TRIM24: variants seen among roughly 807,000 people sequenced by gnomAD.
TRIM24 encodes the protein tripartite motif containing 24.
In TRIM24, 29 loss-of-function variants were observed where a neutral mutation model predicts 123.9. The ratio of observed to expected loss-of-function variants is 0.23; its 90% CI spans 0.17 to 0.32. The LOEUF is 0.32. Among genes scored for constraint, TRIM24 ranks in the 10% least tolerant of loss-of-function variants. The pLI, the probability that TRIM24 is intolerant of heterozygous loss-of-function variation, is 1.00. For synonymous variants in TRIM24, 456 were observed against 461.1 expected (o/e 0.99, Z 0.14); for missense variants, 932 against 1,295.3 (o/e 0.72, Z 4.31).
intron 10 of TRIM24, among the ~76,000 whole-genome samples, chr7:138,569,414 A>G (rs1290326528): frequency 1.3e-5 from 2 of 152,252 alleles, no homozygotes; most frequent in Non-Finnish European, 2.9e-5. Flanking sequence ...ATACTCATAC[A>G]GTGGAATACT....
rs75854872 is a variant in TRIM24, at chr7:138,558,599, C to T, written c.1530+3633C>T. ...TGCTGGCCAAGGGAGAGGATTCAGG[C>T]AACTCCTGGTGGATGTGCTCATAGA... On this transcript the variant is annotated intron_variant, in intron 9 of 18. Coordinates refer to ENST00000343526, the MANE Select transcript of TRIM24 (RefSeq NM_015905.3). Among the ~76,000 whole-genome samples the T allele has an allele frequency of 5.4e-4, 82 of 152,322 alleles. No homozygotes were observed. In the East Asian group the frequency reaches 0.015, roughly 28 times the overall value.
chr7:138,484,394 C>T (rs1179535676), intron 1 of TRIM24, among the ~76,000 whole-genome samples: 1 of 150,764 alleles, frequency 6.6e-6, no homozygotes, highest in African/African-American at 2.4e-5. Context: ...TAGGCATGAG[C>T]CACCACGCCT....
In TRIM24 at chr7:138,587,327, T is replaced by TA. The variant is rs1798037789; in HGVS notation, c.*2376_*2377insA. Reference sequence around the variant, plus strand: ...AAGATCTCACCATTGCACTCCAGCCTGAGTGACAGAGACTCAGTCTCAAAA... The same window carrying TA: ...AAGATCTCACCATTGCACTCCAGCCTAGAGTGACAGAGACTCAGTCTCAAAA... On this transcript the variant is annotated 3_prime_UTR_variant, in exon 19 of 19. Transcript: ENST00000343526. The TA allele has an allele frequency of 6.6e-6, 1 of 152,272 alleles. No homozygotes were observed. 9.4% of individuals were successfully genotyped at this position (152,272 alleles called of 1,614,324 possible). A position where few individuals can be genotyped will look rare whatever the true frequency, so the allele number is the denominator to read the frequency against.
At chr7:138,578,484 A>G (rs1483413158) in intron 14 of TRIM24, among the ~76,000 whole-genome samples, 1 of 152,078 alleles carries the variant, frequency 6.6e-6, no homozygotes, top group Non-Finnish European at 1.5e-5. Context: ...ATCAATGCTT[A>G]ATCAAAACTA....
chr7:138,472,332 A>G lies in TRIM24; in HGVS notation c.364+11420A>G, dbSNP rs528591720. Among the ~76,000 whole-genome samples the G allele has an allele frequency of 7.0e-4, 106 of 152,210 alleles. 1 individual carries two copies. The East Asian group carries it at 0.019, about 27-fold the overall frequency. On this transcript the variant is annotated intron_variant, in intron 1 of 18. Coordinates refer to ENST00000343526, the MANE Select transcript of TRIM24 (RefSeq NM_015905.3). Reference sequence around the variant, plus strand: ...TTGGTGAGGCTTCTGAGAAAGCAGAAAGGCATTGATCTGAGGCATGGGTAG... The same window carrying G: ...TTGGTGAGGCTTCTGAGAAAGCAGAGAGGCATTGATCTGAGGCATGGGTAG...
chr7:138,515,930 A>G (rs1482738843), intron 3 of TRIM24, among the ~76,000 whole-genome samples: 1 of 152,214 alleles, frequency 6.6e-6, no homozygotes, highest in African/African-American at 2.4e-5. Context: ...ACATTTACAC[A>G]TTGTGCAACC....
At chr7:138,558,354 C>T (rs1468583960) in intron 9 of TRIM24, among the ~76,000 whole-genome samples, 4 of 152,196 alleles carry the variant, frequency 2.6e-5, no homozygotes, top group Non-Finnish European at 4.4e-5. Context: ...CCCCAGCGAA[C>T]AATGCAGAAT....
intron 1 of TRIM24, among the ~76,000 whole-genome samples, chr7:138,462,204 C>A (rs918647695): frequency 6.6e-6 from 1 of 152,172 alleles, no homozygotes; most frequent in Non-Finnish European, 1.5e-5. Context: ...TGCTTACTGC[C>A]CATCTTAAAA....
chr7:138,530,572 T>A (rs1274007265), intron 6 of TRIM24, among the ~76,000 whole-genome samples: 2 of 151,910 alleles, frequency 1.3e-5, no homozygotes, highest in East Asian at 3.9e-4. Flanking sequence ...TCTCAGGTGA[T>A]CTTCTCATTG....
At chr7:138,536,822 G>A (rs10237544) in intron 6 of TRIM24, among the ~76,000 whole-genome samples, 3,312 of 152,308 alleles carry the variant, frequency 0.022, 101 homozygotes, top group African/African-American at 0.073. Flanking sequence ...GGTGGCGTCT[G>A]CAGAGGCACG....
At chr7:138,533,513 A>C (rs1796794549) in intron 6 of TRIM24, among the ~76,000 whole-genome samples, 1 of 152,218 alleles carries the variant, frequency 6.6e-6, no homozygotes, top group Non-Finnish European at 1.5e-5. Context: ...ATGCTGGATT[A>C]CATTTATTGA....
chr7:138,528,297 A>T (rs1796654398), intron 5 of TRIM24, among the ~76,000 whole-genome samples: 1 of 152,222 alleles, frequency 6.6e-6, no homozygotes, highest in East Asian at 1.9e-4. Context: ...CTCATACCAT[A>T]GGAGAAAGAA....
At chr7:138,464,012 T>TTTTTTTTTTTTTTTTTTTTTGG (rs1795076246) in intron 1 of TRIM24, among the ~76,000 whole-genome samples, 1 of 137,162 alleles carries the variant, frequency 7.3e-6, no homozygotes, top group Non-Finnish European at 1.6e-5. Flanking sequence ...TTTTTTTTTT[T>TTTTTTTTTTTTTTTTTTTTTGG]GAGACGGAGT....
At chr7:138,559,755 T>A (rs1284497537) in intron 9 of TRIM24, among the ~76,000 whole-genome samples, 1 of 152,166 alleles carries the variant, frequency 6.6e-6, no homozygotes, top group African/African-American at 2.4e-5. Context: ...CTGTGGTGGA[T>A]CCAAGGCACA....
intron 1 of TRIM24, among the ~76,000 whole-genome samples, chr7:138,486,251 G>A (rs1402662622): frequency 2.0e-5 from 3 of 152,036 alleles, no homozygotes; most frequent in Non-Finnish European, 4.4e-5. Context: ...TTGTCAGATA[G>A]GTAAATTGCA....
At chr7:138,565,108 G>GC (rs989131742) in intron 9 of TRIM24, among the ~76,000 whole-genome samples, 3 of 152,106 alleles carry the variant, frequency 2.0e-5, no homozygotes, top group Admixed American at 6.6e-5. Context: ...TCTACGCTAA[G>GC]AGAACTGCGG....
At chr7:138,497,885 G>A (rs541056538) in intron 1 of TRIM24, among the ~76,000 whole-genome samples, 122 of 152,092 alleles carry the variant, frequency 8.0e-4, no homozygotes, top group African/African-American at 2.9e-3. Context: ...TAGAGGTGGG[G>A]TTTCACCATG....
At chr7:138,578,559 T>TGCGC (rs879568950) in intron 14 of TRIM24, among the ~76,000 whole-genome samples, 2 of 96,000 alleles carry the variant, frequency 2.1e-5, no homozygotes, top group Admixed American at 1.1e-4. Flanking sequence ...TGTGTGTGTG[T>TGCGC]GTGTGCGCGC....
chr7:138,481,906 T>C (rs768881045), intron 1 of TRIM24, among the ~76,000 whole-genome samples: 3 of 152,216 alleles, frequency 2.0e-5, no homozygotes, highest in Non-Finnish European at 4.4e-5. Context: ...TTGATTTATG[T>C]GTATGGTGAG....
Sources: allele counts gnomAD v4.1 joint callset (sites outside exome capture counted in the v4.1 genomes callset), GRCh38; gene constraint gnomAD v4.1.1; transcripts MANE v1.5; gene names NCBI Gene and HGNC (gene_info 2026-07-23, HGNC 2026-07-21).